Variants in TTL observed in about 807,000 individuals in gnomAD.
TTL encodes the protein tubulin tyrosine ligase.
Under a neutral mutation model 41.1 loss-of-function variants are expected in TTL, and 10 were observed. The observed-to-expected ratio is 0.24, with a 90% CI of 0.15 to 0.41. The LOEUF (loss-of-function observed/expected upper bound fraction) is 0.41, where lower values mean the gene tolerates loss of function less well. TTL is among the 10% of genes least tolerant of loss of function. The pLI is 1.00. For synonymous variants in TTL, 175 were observed against 175.5 expected (o/e 1.00, Z 0.02); for missense variants, 367 against 460.4 (o/e 0.80, Z 1.86).
At chr2:112,495,489 A>G (rs761741294) in intron 3 of TTL, among the ~76,000 whole-genome samples, 12 of 152,376 alleles carry the variant, frequency 7.9e-5, no homozygotes, top group Middle Eastern at 6.8e-3. Flanking sequence ...AAATAGAGGC[A>G]GTTCCCAATG....
rs1018878830 is a variant in TTL, at chr2:112,482,327, G to T, written c.-18G>T. 8 of 1,488,630 alleles carry T rather than the reference G, an allele frequency of 5.4e-6. No homozygotes were observed. 92.2% of individuals were successfully genotyped at this position (1,488,630 alleles called of 1,614,324 possible). A position where few individuals can be genotyped will look rare whatever the true frequency, so the allele number is the denominator to read the frequency against. On this transcript the variant is annotated 5_prime_UTR_variant, in exon 1 of 7. Coordinates refer to ENST00000233336, the MANE Select transcript of TTL (RefSeq NM_153712.5). This position sits in a 1 kb window ranked among gnomAD's most constrained non-coding sequence, Gnocchi z 5.3. ...CCTGCGGCGGCTGCCCGGCGGCCCG[G>T]GCGCGCGGCGCTTCGCCATGTACAC...
At chr2:112,490,939 A>G (rs991940136) in intron 2 of TTL, among the ~76,000 whole-genome samples, 3 of 151,976 alleles carry the variant, frequency 2.0e-5, no homozygotes, top group Non-Finnish European at 2.9e-5. Context: ...AATTTTTTGC[A>G]TGTAGGTAAA....
chr2:112,485,935 T>G lies in TTL; in HGVS notation c.176T>G (p.Val59Gly), dbSNP rs753697157. ...TTCCTAGGTCACGAGCCCGGGCTGG[T>G]ACAGTTGGTGAATTACTACAGGGGT... ...FGRLGHEPGL[V>G]QLVNYYRGAD... Residue 59 changes from valine (V) to glycine (G), a missense_variant, in exon 2 of 7, where the codon GTA (valine) becomes GGA (glycine). Coordinates refer to ENST00000233336, the MANE Select transcript of TTL (RefSeq NM_153712.5). 1.4e-5 allele frequency: 22 copies of G among 1,614,044 alleles called. No individual in the cohort carries two copies. The highest frequency in any genetic ancestry group is 1.8e-5 in the Non-Finnish European group (21 of 1,180,024).
rs111835385 is a variant in TTL, at chr2:112,536,838, TACTGCAAAGG to T, written c.*8046_*8055del. On this transcript the variant is annotated 3_prime_UTR_variant, in exon 7 of 7. Transcript: ENST00000233336. ...TAATGGCCTCCAGCAGCATCCATGT[TACTGCAAAGG>T]ACATGATTTCATTCTTTTTTATGGC... is the stretch of plus-strand genomic sequence containing the variant. 5 of 152,374 alleles carry T rather than the reference TACTGCAAAGG, an allele frequency of 3.3e-5. No individual in the cohort carries two copies. Among genetic ancestry groups the T allele is most frequent in the African/African-American group, 9.6e-5 (4 of 41,588 alleles). 9.4% of individuals were successfully genotyped at this position (152,374 alleles called of 1,614,324 possible).
At chr2:112,521,532 G>A (rs1682230504) in intron 6 of TTL, among the ~76,000 whole-genome samples, 1 of 152,224 alleles carries the variant, frequency 6.6e-6, no homozygotes, top group African/African-American at 2.4e-5. Flanking sequence ...ACCTGCAAGG[G>A]ACGATGTCAA....
intron 2 of TTL, among the ~76,000 whole-genome samples, chr2:112,493,002 T>C (rs192965971): frequency 9.3e-4 from 142 of 152,358 alleles, no homozygotes; most frequent in Non-Finnish European, 1.8e-3. Context: ...TAGTGACCAC[T>C]GGATGGGACA....
chr2:112,493,688 T>G (rs368822689), intron 2 of TTL, among the ~76,000 whole-genome samples: 34 of 152,360 alleles, frequency 2.2e-4, no homozygotes, highest in African/African-American at 7.9e-4. Flanking sequence ...GCAAGAGCTT[T>G]AAAAAGTCTT....
At chr2:112,501,899 A>G (rs568515372) in intron 4 of TTL, among the ~76,000 whole-genome samples, 23 of 152,264 alleles carry the variant, frequency 1.5e-4, no homozygotes, top group African/African-American at 5.5e-4. Flanking sequence ...TTTCTATAAA[A>G]ATGACTTGTG....
chr2:112,512,442 T>G (rs1413568478), intron 5 of TTL, among the ~76,000 whole-genome samples: 1 of 152,044 alleles, frequency 6.6e-6, no homozygotes, highest in Non-Finnish European at 1.5e-5. Flanking sequence ...TTTTGCATTT[T>G]TAGTAGAGAC....
In TTL at chr2:112,541,539, T is replaced by C. The variant is rs1682743631; in HGVS notation, c.*12744T>C. ...ACCAGCTGAACTAGGAAAGGGGAAG[T>C]TGACAGTAAGGAGGGACTATCAGGG... On this transcript the variant is annotated 3_prime_UTR_variant, in exon 7 of 7. Coordinates refer to ENST00000233336, the MANE Select transcript of TTL (RefSeq NM_153712.5). The C allele has an allele frequency of 6.6e-6, 1 of 152,114 alleles. No homozygotes were observed. 9.4% of individuals were successfully genotyped at this position (152,114 alleles called of 1,614,324 possible).
At chr2:112,484,390 A>G (rs1574051084) in intron 1 of TTL, among the ~76,000 whole-genome samples, 2 of 151,792 alleles carry the variant, frequency 1.3e-5, no homozygotes, top group Non-Finnish European at 1.5e-5. Context: ...CAGCCTCCCA[A>G]GTAGCTGGGA....
intron 5 of TTL, among the ~76,000 whole-genome samples, chr2:112,512,027 T>C (rs112176668): frequency 0.02 from 3,037 of 152,216 alleles, 40 homozygotes; most frequent in Admixed American, 0.033. Flanking sequence ...TATTATATTC[T>C]ATATTTAAAG....
intron 1 of TTL, among the ~76,000 whole-genome samples, chr2:112,485,099 G>A (rs747056614): frequency 1.4e-4 from 21 of 151,996 alleles, no homozygotes; most frequent in Admixed American, 1.1e-3. Context: ...ACCGGTGTGC[G>A]CCACCACGCC....
chr2:112,495,033 G>T (rs1681490876), intron 3 of TTL, among the ~76,000 whole-genome samples: 1 of 152,150 alleles, frequency 6.6e-6, no homozygotes, highest in Non-Finnish European at 1.5e-5. Context: ...GATTCCTAAT[G>T]GTAGCCTGCA....
intron 2 of TTL, among the ~76,000 whole-genome samples, chr2:112,493,699 T>C (rs937033443): frequency 6.6e-6 from 1 of 152,244 alleles, no homozygotes; most frequent in Admixed American, 6.5e-5. Context: ...AAAAAGTCTT[T>C]AGATAATTCA....
Position 112,482,413 on chromosome 2 carries a change from C to T in TTL, c.69C>T (p.Ala23=), listed in dbSNP as rs746151557. The T allele has an allele frequency of 1.2e-6, 2 of 1,607,634 alleles. No homozygotes were observed. The highest frequency in any genetic ancestry group is 2.2e-5 in the East Asian group (1 of 44,476). ...CCGAGGTCTCCCGGCTGCTCCTCGC[C>T]ACCGGCCACTGGAAGAGGCTGCGGC... is the stretch of plus-strand genomic sequence containing the variant. ...VYAEVSRLLL[A]TGHWKRLRRD... Residue 23 remains alanine (A), a synonymous_variant, in exon 1 of 7, where the codon GCC becomes GCT. Transcript: ENST00000233336. This position sits in a 1 kb window ranked among gnomAD's most constrained non-coding sequence, Gnocchi z 5.3.
At chr2:112,520,193 T>G in intron 5 of TTL, 89 bp from the exon 6 acceptor site, 8 of 1,273,814 alleles carry the variant, frequency 6.3e-6, no homozygotes, top group Non-Finnish European at 6.7e-6. Flanking sequence ...TTTGTATTCA[T>G]CTCATATAAA....
In TTL at chr2:112,541,219, A is replaced by T. The variant is rs1682726258; in HGVS notation, c.*12424A>T. ...TAAAAAGACAGGCAACAAAAGAAAAAAACTACACTTCAAAATTAAAACGTT... is the reference window on the plus strand; with the variant it reads ...TAAAAAGACAGGCAACAAAAGAAAATAACTACACTTCAAAATTAAAACGTT... On this transcript the variant is annotated 3_prime_UTR_variant, in exon 7 of 7. Coordinates refer to ENST00000233336, the MANE Select transcript of TTL (RefSeq NM_153712.5). 1 of 152,252 alleles carries T rather than the reference A, an allele frequency of 6.6e-6. No homozygotes were observed. The highest frequency in any genetic ancestry group is 1.5e-5 in the Non-Finnish European group (1 of 68,052). 9.4% of individuals were successfully genotyped at this position (152,252 alleles called of 1,614,324 possible). A position where few individuals can be genotyped will look rare whatever the true frequency, so the allele number is the denominator to read the frequency against.
chr2:112,497,329 T>C (rs1385020826), intron 3 of TTL, among the ~76,000 whole-genome samples: 2 of 151,462 alleles, frequency 1.3e-5, no homozygotes, highest in Non-Finnish European at 1.5e-5. Flanking sequence ...GACTCTTGTT[T>C]CTTCTTAAAA....
Sources: gnomAD v4.1 joint callset for allele counts (sites outside exome capture counted in the v4.1 genomes callset) on GRCh38, gnomAD v4.1.1 for gene constraint, Gnocchi (gnomAD v3.1) non-coding constraint, MANE v1.5 for transcripts, NCBI Gene and HGNC (gene_info 2026-07-23, HGNC 2026-07-21) for gene names.